The following GAL3ST1 variants were observed in gnomAD, a reference collection of about 807,000 sequenced individuals.
GAL3ST1 encodes galactosylceramide sulfotransferase.
In GAL3ST1, 13 loss-of-function variants were observed where a neutral mutation model predicts 25.0. That is an observed-to-expected ratio of 0.52 (90% CI 0.34 to 0.83). GAL3ST1 has a LOEUF of 0.83. Among genes scored for constraint, GAL3ST1 ranks in the 40% least tolerant of loss-of-function variants. The pLI is 0.02. For missense variants in GAL3ST1, 474 were observed against 613.6 expected, an observed-to-expected ratio of 0.77 and a Z score of 2.40; for synonymous variants, 274 against 277.8, an observed-to-expected ratio of 0.99 and a Z score of 0.14.
At chr22:30,573,010 A>C (rs1380644775) in intron 1 of GAL3ST1, 1 of 152,222 alleles carries the variant, frequency 6.6e-6, no homozygotes, top group Non-Finnish European at 1.5e-5. Context: ...AAGGGGATGC[A>C]TGGGGACCAG....
chr22:30,563,120 A>C (rs2086500269), intron 1 of GAL3ST1: 1 of 152,172 alleles, frequency 6.6e-6, no homozygotes, highest in Non-Finnish European at 1.5e-5. Context: ...TTTCTCAAAA[A>C]TAAATAAATG....
Position 30,569,304 on chromosome 22 carries a change from G to A in GAL3ST1, c.-120+5162C>T, listed in dbSNP as rs577807556. Among the ~76,000 whole-genome samples, 58 of 152,260 alleles carry A rather than the reference G, an allele frequency of 3.8e-4. No homozygotes were observed. In the South Asian group the frequency reaches 3.9e-3, roughly 10 times the overall value. ...CATAGTAGTTGTTACAGCTGTGCAGGTGTGACCTGGAACAAGAAGGCTGGG... is the reference window on the plus strand; with the variant it reads ...CATAGTAGTTGTTACAGCTGTGCAGATGTGACCTGGAACAAGAAGGCTGGG... On this transcript the variant is annotated intron_variant, in intron 1 of 3. Transcript: ENST00000406361.
At chr22:30,563,813 G>A (rs1242140216) in intron 1 of GAL3ST1, among the ~76,000 whole-genome samples, 1 of 151,836 alleles carries the variant, frequency 6.6e-6, no homozygotes, top group Admixed American at 6.6e-5. Context: ...CTACTCAGGA[G>A]GCTGAGGCAG....
intron 1 of GAL3ST1, among the ~76,000 whole-genome samples, chr22:30,571,886 G>A (rs1247742814): frequency 2.6e-5 from 4 of 151,968 alleles, no homozygotes; most frequent in Non-Finnish European, 5.9e-5. Flanking sequence ...AAAAACAAAG[G>A]GCATCCATGC....
At chr22:30,573,000 A>C (rs991880766) in intron 1 of GAL3ST1, 1 of 152,134 alleles carries the variant, frequency 6.6e-6, no homozygotes, top group Non-Finnish European at 1.5e-5. Flanking sequence ...CCATTAAGGG[A>C]AGGGGATGCA....
intron 1 of GAL3ST1, among the ~76,000 whole-genome samples, chr22:30,561,191 G>A (rs189006021): frequency 1.4e-4 from 21 of 152,290 alleles, no homozygotes; most frequent in African/African-American, 4.6e-4. Flanking sequence ...CGATCCACCC[G>A]CCTTGGCCTT....
intron 1 of GAL3ST1, chr22:30,560,906 T>G (rs1479514494): frequency 6.6e-6 from 1 of 150,798 alleles, no homozygotes; most frequent in Non-Finnish European, 1.5e-5. Flanking sequence ...ACTGGTACAC[T>G]CATTCACTCA....
At chr22:30,556,630 C>G (rs757521681) in intron 3 of GAL3ST1, among the ~76,000 whole-genome samples, 8 of 152,206 alleles carry the variant, frequency 5.3e-5, no homozygotes, top group Middle Eastern at 6.3e-3. Context: ...TCGCCCCCAC[C>G]AGGGCCCCGT....
At chr22:30,570,235 C>T (rs912266862) in intron 1 of GAL3ST1, among the ~76,000 whole-genome samples, 1 of 152,122 alleles carries the variant, frequency 6.6e-6, no homozygotes, top group African/African-American at 2.4e-5. Flanking sequence ...GGAATCCCAT[C>T]GGGATATGGA....
chr22:30,574,582 C>A lies in GAL3ST1; in HGVS notation c.-236G>T. ...GGCCCCCCGCTCCACCAGGCCTGGT[C>A]CATGCCCCCGCCCCCGCCGCCGCTG... On this transcript the variant is annotated 5_prime_UTR_variant, in exon 1 of 4. Coordinates refer to ENST00000406361, the MANE Select transcript of GAL3ST1 (RefSeq NM_001318104.2). The A allele has an allele frequency of 6.8e-6, 1 of 146,600 alleles. No individual in the cohort carries two copies. The highest frequency in any genetic ancestry group is 1.8e-4 in the South Asian group (1 of 5,508). The allele number at this position is 146,600 out of a possible 1,614,324, so 9.1% of individuals were successfully genotyped here.
At chr22:30,557,430 T>C in intron 2 of GAL3ST1, 29 bp from the exon 3 acceptor site, 1 of 1,612,450 alleles carries the variant, frequency 6.2e-7, no homozygotes, top group Non-Finnish European at 8.5e-7. Flanking sequence ...GTAGGGCAAG[T>C]GTCAGGAAGC....
At chr22:30,561,525 C>T (rs542795671) in intron 1 of GAL3ST1, among the ~76,000 whole-genome samples, 1 of 152,228 alleles carries the variant, frequency 6.6e-6, no homozygotes, top group East Asian at 1.9e-4. Flanking sequence ...TTCAGCAAAG[C>T]GGGGGCAGGG....
intron 1 of GAL3ST1, among the ~76,000 whole-genome samples, chr22:30,561,143 C>T (rs1477867489): frequency 1.1e-4 from 16 of 152,178 alleles, no homozygotes; most frequent in Admixed American, 1.0e-3. Context: ...GGGGTTTCAC[C>T]ATGTTGGCCA....
rs746686523 is a variant in GAL3ST1 at position 30,555,688 on chromosome 22, C to A, written c.537G>T (p.Pro179=). Reference sequence around the variant, plus strand: ...AGAGCTTCCACGTGAGGGGCACCACCGGCCCGAAGTAGTGGAAGGAGGACT... The same window carrying A: ...AGAGCTTCCACGTGAGGGGCACCACAGGCCCGAAGTAGTGGAAGGAGGACT... ...LFESSFHYFG[P]VVPLTWKLSA... Residue 179 remains proline (P), a synonymous_variant, in exon 4 of 4, where the codon CCG becomes CCT. Coordinates refer to ENST00000406361, the MANE Select transcript of GAL3ST1 (RefSeq NM_001318104.2). This position sits in a 1 kb window ranked among gnomAD's most constrained non-coding sequence, Gnocchi z 8.6. 3 of 1,613,852 alleles carry A rather than the reference C, an allele frequency of 1.9e-6. No homozygotes were observed. The highest frequency in any genetic ancestry group is 1.7e-5 in the Admixed American group (1 of 60,024).
intron 1 of GAL3ST1, among the ~76,000 whole-genome samples, chr22:30,564,439 C>T (rs1301820857): frequency 6.6e-6 from 1 of 152,168 alleles, no homozygotes; most frequent in Non-Finnish European, 1.5e-5. Flanking sequence ...GTAACACAGC[C>T]CAGCAGCAGC....
chr22:30,563,661 C>T (rs1375291855), intron 1 of GAL3ST1, among the ~76,000 whole-genome samples: 1 of 151,562 alleles, frequency 6.6e-6, no homozygotes, highest in Admixed American at 6.6e-5. Context: ...TGCCTGTAAT[C>T]CCAGCTCTTT....
chr22:30,569,797 C>T (rs1392749231), intron 1 of GAL3ST1, among the ~76,000 whole-genome samples: 13 of 152,200 alleles, frequency 8.5e-5, no homozygotes, highest in Admixed American at 2.6e-4. Flanking sequence ...CCCCATAAAC[C>T]ATTCCCCAGC....
At chr22:30,573,186 G>A (rs1204297203) in intron 1 of GAL3ST1, among the ~76,000 whole-genome samples, 1 of 152,188 alleles carries the variant, frequency 6.6e-6, no homozygotes, top group Non-Finnish European at 1.5e-5. Context: ...GAGCCAGGGA[G>A]GCGAGGGGGG....
chr22:30,559,388 ACG>A (rs1568998757), intron 1 of GAL3ST1, among the ~76,000 whole-genome samples: 1 of 151,454 alleles, frequency 6.6e-6, no homozygotes, highest in African/African-American at 2.4e-5. Flanking sequence ...TTACAGGCAC[ACG>A]CCACCACACC....
Sources: allele counts gnomAD v4.1 joint callset (sites outside exome capture counted in the v4.1 genomes callset), GRCh38; gene constraint gnomAD v4.1.1; non-coding constraint Gnocchi (gnomAD v3.1); transcripts MANE v1.5; gene names NCBI Gene and HGNC (gene_info 2026-07-23, HGNC 2026-07-21).